RTF2: variants seen among roughly 807,000 people sequenced by gnomAD.
RTF2 encodes the protein replication termination factor 2, also known as UPF0549 protein C20orf43.
A neutral mutation model predicts 38.0 loss-of-function variants in RTF2; 18 were observed. That is an observed-to-expected ratio of 0.47 (90% CI 0.33 to 0.70). The LOEUF (loss-of-function observed/expected upper bound fraction) is 0.70, where lower values mean the gene tolerates loss of function less well. Among genes scored for constraint, RTF2 ranks in the 30% least tolerant of loss-of-function variants. The pLI is 0.02. For missense variants in RTF2, 311 were observed against 379.6 expected (o/e 0.82, Z 1.50); for synonymous variants, 126 against 137.1 (o/e 0.92, Z 0.57).
intron 5 of RTF2, among the ~76,000 whole-genome samples, chr20:56,486,906 T>A (rs1279934961): frequency 1.3e-5 from 2 of 151,906 alleles, no homozygotes; most frequent in Admixed American, 6.6e-5. Context: ...CGAGGCCTGG[T>A]CCTGTCAGGA....
intron 6 of RTF2, among the ~76,000 whole-genome samples, chr20:56,514,547 T>C (rs2146379553): frequency 6.6e-6 from 1 of 152,270 alleles, no homozygotes; most frequent in East Asian, 1.9e-4. Context: ...ATGGAGTACC[T>C]GAAGATTTTT....
At chr20:56,469,141 C>T (rs7269462) in intron 1 of RTF2, among the ~76,000 whole-genome samples, 2 of 152,172 alleles carry the variant, frequency 1.3e-5, no homozygotes, top group Non-Finnish European at 2.9e-5. Flanking sequence ...AATACAAATA[C>T]CTAGTGTATA....
intron 6 of RTF2, chr20:56,514,232 T>G (rs1343113560): frequency 6.6e-6 from 1 of 152,138 alleles, no homozygotes; most frequent in Non-Finnish European, 1.5e-5. Flanking sequence ...AGACAACGCA[T>G]CCACCAAGAG....
intron 1 of RTF2, among the ~76,000 whole-genome samples, chr20:56,473,087 C>A (rs1025406109): frequency 6.6e-6 from 1 of 152,042 alleles, no homozygotes; most frequent in Non-Finnish European, 1.5e-5. Context: ...GTGAAGATTG[C>A]GCCACTACAC....
intron 4 of RTF2, among the ~76,000 whole-genome samples, chr20:56,480,745 T>C (rs1465263405): frequency 3.3e-5 from 5 of 152,162 alleles, no homozygotes; most frequent in Non-Finnish European, 7.4e-5. Flanking sequence ...TCACAGAGAA[T>C]AGGGAGAACT....
intron 5 of RTF2, among the ~76,000 whole-genome samples, chr20:56,486,799 G>A (rs1022760778): frequency 1.3e-5 from 2 of 152,216 alleles, no homozygotes; most frequent in African/African-American, 4.8e-5. Context: ...AGTCCTGCTG[G>A]GACTGTGATT....
At chr20:56,477,218 T>G in intron 4 of RTF2, 94 bp downstream of exon 4, 1 of 1,472,048 alleles carries the variant, frequency 6.8e-7, no homozygotes, top group Non-Finnish European at 9.3e-7. Flanking sequence ...GTCATGTGGC[T>G]TGCTTTCTGG....
At chr20:56,497,055 A>G (rs1429980659) in intron 5 of RTF2, 25 of 1,551,680 alleles carry the variant, frequency 1.6e-5, no homozygotes, top group Non-Finnish European at 2.0e-5. Flanking sequence ...CATACAATTA[A>G]TATCTGCCTG....
At chr20:56,489,221 AT>A (rs11481363) in intron 5 of RTF2, among the ~76,000 whole-genome samples, 51,094 of 136,562 alleles carry the variant, frequency 0.37, 9,633 homozygotes, top group Non-Finnish European at 0.44. Context: ...ATGCCTGGTT[AT>A]TTTTTTTTTT....
chr20:56,482,909 C>G (rs1178460309), intron 4 of RTF2, among the ~76,000 whole-genome samples: 1 of 152,230 alleles, frequency 6.6e-6, no homozygotes, highest in African/African-American at 2.4e-5. Context: ...CTTCTCCACG[C>G]CTCTGCATAT....
intron 2 of RTF2, 100 bp downstream of exon 2, chr20:56,473,495 A>G (rs1043307042): frequency 1.2e-6 from 1 of 825,004 alleles, no homozygotes; most frequent in Non-Finnish European, 2.0e-6. Flanking sequence ...GATTATCCCA[A>G]GCAAATTTGT....
intron 5 of RTF2, among the ~76,000 whole-genome samples, chr20:56,500,198 G>A (rs1249336337): frequency 6.6e-6 from 1 of 151,964 alleles, no homozygotes. Context: ...GGGATTACAG[G>A]CATGCACCAC....
chr20:56,494,350 A>G (rs1199865628), intron 5 of RTF2, among the ~76,000 whole-genome samples: 1 of 152,114 alleles, frequency 6.6e-6, no homozygotes, highest in Non-Finnish European at 1.5e-5. Flanking sequence ...AGAATTCTGA[A>G]TCATTACTTT....
chr20:56,515,856 A>G (rs990851395), intron 6 of RTF2: 1 of 152,200 alleles, frequency 6.6e-6, no homozygotes, highest in African/African-American at 2.4e-5. Flanking sequence ...AGCTTCTGGG[A>G]ATACCTCATA....
chr20:56,496,823 A>G, intron 5 of RTF2: 1 of 1,551,882 alleles, frequency 6.4e-7, no homozygotes, highest in Non-Finnish European at 8.7e-7. Flanking sequence ...TGAATCTGTT[A>G]TTTGGAGGTG....
chr20:56,495,429 A>G, intron 5 of RTF2: 1 of 719,682 alleles, frequency 1.4e-6, no homozygotes, highest in Non-Finnish European at 2.4e-6. Context: ...GGGAAAGTCC[A>G]ACCTTCCTTG....
chr20:56,517,052 G>A, intron 7 of RTF2, 54 bp from the exon 8 acceptor site: 2 of 1,608,928 alleles, frequency 1.2e-6, no homozygotes, highest in South Asian at 2.2e-5. Flanking sequence ...CTGCTAATAT[G>A]TTCATGCTTT....
intron 5 of RTF2, among the ~76,000 whole-genome samples, chr20:56,484,835 A>G (rs1301824334): frequency 2.0e-5 from 3 of 152,148 alleles, no homozygotes; most frequent in Admixed American, 2.0e-4. Flanking sequence ...CTGCTGGCCC[A>G]TCGAAAGCGT....
chr20:56,487,897 C>G (rs77845216), intron 5 of RTF2, among the ~76,000 whole-genome samples: 1 of 152,158 alleles, frequency 6.6e-6, no homozygotes, highest in Non-Finnish European at 1.5e-5. Context: ...ACACCAGTCC[C>G]GGTACTGGAT....
Sources: allele counts gnomAD v4.1 joint callset (sites outside exome capture counted in the v4.1 genomes callset), GRCh38; gene constraint gnomAD v4.1.1; transcripts MANE v1.5; gene names NCBI Gene and HGNC (gene_info 2026-07-23, HGNC 2026-07-21).